Variants in GAP43 observed in about 807,000 individuals in gnomAD.
GAP43 encodes the protein neuromodulin.
Under a neutral mutation model 18.6 loss-of-function variants are expected in GAP43, and 6 were observed. The ratio of observed to expected loss-of-function variants is 0.32; its 90% CI spans 0.18 to 0.64. The LOEUF (loss-of-function observed/expected upper bound fraction) is 0.64, where lower values mean the gene tolerates loss of function less well. GAP43 is among the 30% of genes least tolerant of loss of function. The pLI is 0.78. For missense variants in GAP43, 292 were observed against 295.5 expected (o/e 0.99, Z 0.09); for synonymous variants, 115 against 111.4 (o/e 1.03, Z -0.20).
intron 1 of GAP43, among the ~76,000 whole-genome samples, chr3:115,640,661 C>A (rs1018683087): frequency 6.6e-6 from 1 of 152,060 alleles, no homozygotes; most frequent in African/African-American, 2.4e-5. Context: ...GAATACCCAA[C>A]AAGTCTCCGT....
At chr3:115,713,262 C>A (rs1019934780) in intron 2 of GAP43, among the ~76,000 whole-genome samples, 7 of 152,172 alleles carry the variant, frequency 4.6e-5, no homozygotes, top group South Asian at 2.1e-4. Context: ...AGGAAGCAAA[C>A]ACCCAGCTCA....
intron 1 of GAP43, chr3:115,659,093 G>C (rs192641826): frequency 2.2e-4 from 34 of 152,338 alleles, no homozygotes; most frequent in Admixed American, 1.9e-3. Flanking sequence ...GGCTGTTTGC[G>C]CCTCTTTCTC....
intron 2 of GAP43, among the ~76,000 whole-genome samples, chr3:115,716,360 C>T (rs1292551566): frequency 2.0e-5 from 3 of 152,078 alleles, no homozygotes; most frequent in African/African-American, 7.2e-5. Context: ...AGGTTAAAAC[C>T]TTTCCCAAAC....
chr3:115,685,954 A>G (rs1559801050), intron 2 of GAP43, among the ~76,000 whole-genome samples: 1 of 152,206 alleles, frequency 6.6e-6, no homozygotes, highest in Non-Finnish European at 1.5e-5. Flanking sequence ...ATTTTATCAG[A>G]TATCTGCAGC....
chr3:115,672,336 G>A (rs1477017255), intron 1 of GAP43, among the ~76,000 whole-genome samples: 1 of 152,102 alleles, frequency 6.6e-6, no homozygotes, highest in African/African-American at 2.4e-5. Context: ...TTAAGTAAGC[G>A]CTTCTATTTC....
At chr3:115,699,892 A>G (rs998284234) in intron 2 of GAP43, among the ~76,000 whole-genome samples, 1 of 152,168 alleles carries the variant, frequency 6.6e-6, no homozygotes, top group Non-Finnish European at 1.5e-5. Context: ...AATTTTTTTC[A>G]CAGTGTCTGG....
intron 1 of GAP43, chr3:115,658,842 G>A (rs1407927372): frequency 6.6e-6 from 1 of 152,384 alleles, no homozygotes; most frequent in Non-Finnish European, 1.5e-5. Context: ...TCCGCGGGAG[G>A]AGGGCACCCA....
intron 1 of GAP43, among the ~76,000 whole-genome samples, chr3:115,646,929 A>G (rs1159923412): frequency 1.3e-5 from 2 of 152,022 alleles, no homozygotes; most frequent in Non-Finnish European, 2.9e-5. Context: ...ACCAAAGTCT[A>G]TTAGAGGTAG....
intron 2 of GAP43, among the ~76,000 whole-genome samples, chr3:115,696,011 C>CTTGG: frequency 6.6e-6 from 1 of 152,124 alleles, no homozygotes; most frequent in Non-Finnish European, 1.5e-5. Flanking sequence ...AGTTACCCCA[C>CTTGG]AGCTAAGTTC....
intron 1 of GAP43, among the ~76,000 whole-genome samples, chr3:115,667,406 C>A (rs982219856): frequency 6.6e-6 from 1 of 152,142 alleles, no homozygotes; most frequent in Non-Finnish European, 1.5e-5. Flanking sequence ...TCTCAAGTAC[C>A]TGCTGACTCA....
rs1349000564 is a variant in GAP43 at position 115,675,868 on chromosome 3, A to G, written c.31-145A>G. ...GGGAGAAAGATGAGGTTTGATTTGA[A>G]CTTCCAGGGTACTGTTGAATTCTTA... On this transcript the variant is annotated intron_variant, in intron 1 of 2. Transcript: ENST00000305124. The G allele has an allele frequency of 5.2e-6, 6 of 1,161,416 alleles. No homozygotes were observed. In the East Asian group the frequency reaches 1.6e-4, roughly 31 times the overall value. 71.9% of individuals were successfully genotyped at this position (1,161,416 alleles called of 1,614,324 possible). A position where few individuals can be genotyped will look rare whatever the true frequency, so the allele number is the denominator to read the frequency against.
chr3:115,689,461 T>C (rs1304756172), intron 2 of GAP43, among the ~76,000 whole-genome samples: 1 of 152,182 alleles, frequency 6.6e-6, no homozygotes, highest in Non-Finnish European at 1.5e-5. Context: ...GAAAGAACCA[T>C]TTAATTTTTT....
At chr3:115,628,675 C>T (rs1035534350) in intron 1 of GAP43, among the ~76,000 whole-genome samples, 2 of 152,134 alleles carry the variant, frequency 1.3e-5, no homozygotes, top group African/African-American at 4.8e-5. Context: ...CTTATTCTCC[C>T]TCTCAGATAA....
chr3:115,699,075 T>A (rs1709261983), intron 2 of GAP43, among the ~76,000 whole-genome samples: 1 of 152,126 alleles, frequency 6.6e-6, no homozygotes, highest in African/African-American at 2.4e-5. Context: ...GGACAATTGT[T>A]GATTGTGTCT....
rs1476099647 is a variant in GAP43 at position 115,633,736 on chromosome 3, G to T, written c.30+10017G>T. 2.0e-5 allele frequency among the ~76,000 whole-genome samples: 3 copies of T among 152,118 alleles called. No individual in the cohort carries two copies. The East Asian group carries it at 5.8e-4, about 29-fold the overall frequency. On this transcript the variant is annotated intron_variant, in intron 1 of 2. Transcript: ENST00000305124. ...ACCATCCTCCTGAGGCTTACCTCTG[G>T]CAGGTGCCACCTGTCTAGGAGGACA...
At chr3:115,639,404 G>A (rs1708369630) in intron 1 of GAP43, among the ~76,000 whole-genome samples, 1 of 152,050 alleles carries the variant, frequency 6.6e-6, no homozygotes, top group African/African-American at 2.4e-5. Flanking sequence ...TATCATTTTA[G>A]CCAATTATTC....
chr3:115,663,654 A>C, intron 1 of GAP43: 1 of 1,430,268 alleles, frequency 7.0e-7, no homozygotes, highest in Non-Finnish European at 9.1e-7. Context: ...GCCCTTGCTT[A>C]AAAAATTTTA....
At chr3:115,674,610 A>G (rs1708857232) in intron 1 of GAP43, among the ~76,000 whole-genome samples, 1 of 152,214 alleles carries the variant, frequency 6.6e-6, no homozygotes, top group Admixed American at 6.5e-5. Flanking sequence ...AAGAATTGTG[A>G]CTTAGTTAAT....
chr3:115,694,449 C>G (rs193299751), intron 2 of GAP43, among the ~76,000 whole-genome samples: 1 of 152,160 alleles, frequency 6.6e-6, no homozygotes, highest in African/African-American at 2.4e-5. Context: ...ATTAGGCCCT[C>G]GCCATAGAAT....
Sources: gnomAD v4.1 joint callset for allele counts (sites outside exome capture counted in the v4.1 genomes callset) on GRCh38, gnomAD v4.1.1 for gene constraint, MANE v1.5 for transcripts, NCBI Gene and HGNC (gene_info 2026-07-23, HGNC 2026-07-21) for gene names.